NSUN3: variants seen among roughly 807,000 people sequenced by gnomAD.
The protein encoded by NSUN3 is tRNA (cytosine(34)-C(5))-methyltransferase, mitochondrial.
In NSUN3, 24 loss-of-function variants were observed where a neutral mutation model predicts 36.8. The ratio of observed to expected loss-of-function variants is 0.65; its 90% confidence interval spans 0.47 to 0.92. The LOEUF is 0.92. NSUN3 is among the 40% of genes least tolerant of loss of function. The pLI, the probability that NSUN3 is intolerant of heterozygous loss-of-function variation, is 0.00. For synonymous variants in NSUN3, 146 were observed against 145.2 expected, an observed-to-expected ratio of 1.01 and a Z score of -0.04; for missense variants, 381 against 392.8, an observed-to-expected ratio of 0.97 and a Z score of 0.25.
chr3:94,095,483 A>G (rs144480271), intron 5 of NSUN3, among the ~76,000 whole-genome samples: 1 of 152,270 alleles, frequency 6.6e-6, no homozygotes, highest in African/African-American at 2.4e-5. Flanking sequence ...CCAGAATCTG[A>G]GCAGCCCCTT....
intron 5 of NSUN3, among the ~76,000 whole-genome samples, chr3:94,098,995 A>G (rs1450187180): frequency 6.6e-6 from 1 of 152,104 alleles, no homozygotes; most frequent in Non-Finnish European, 1.5e-5. Flanking sequence ...TATTCCTACC[A>G]TATAATTTGG....
Position 94,094,256 on chromosome 3 carries a change from A to G in NSUN3, c.583A>G (p.Arg195Gly), listed in dbSNP as rs1446004596. 6 of 1,613,264 alleles carry G rather than the reference A, an allele frequency of 3.7e-6. No individual in the cohort carries two copies. The part of the protein sequence containing the change: ...NVIKVSELDG[R>G]KMGDAQPEMF... ...AATTAAAGTGTCTGAATTGGATGGCAGAAAAATGGGAGATGCCCAGCCTGA... is the reference window on the plus strand; with the variant it reads ...AATTAAAGTGTCTGAATTGGATGGCGGAAAAATGGGAGATGCCCAGCCTGA... Residue 195 changes from arginine to glycine, a missense_variant, in exon 4 of 6, where the codon AGA (arginine) becomes GGA (glycine). Physicochemically the swap from Arg to Gly is moderately radical, Grantham distance 125 (BLOSUM62 -2). Transcript: ENST00000314622.
intron 3 of NSUN3, among the ~76,000 whole-genome samples, chr3:94,092,919 CAAAAAAAAAAAAA>C (rs1161530879): frequency 4.1e-5 from 1 of 24,638 alleles, no homozygotes; most frequent in Non-Finnish European, 6.8e-5. Context: ...GACTGCATCT[CAAAAAAAAAAAAA>C]AAAAAAAAAA....
At chr3:94,089,373 G>GTGA in intron 3 of NSUN3, among the ~76,000 whole-genome samples, 1 of 152,266 alleles carries the variant, frequency 6.6e-6, no homozygotes, top group East Asian at 1.9e-4. Context: ...TCACACTAAA[G>GTGA]TGATAATTCA....
At chr3:94,073,723 C>A (rs1401438302) in intron 2 of NSUN3, among the ~76,000 whole-genome samples, 3 of 152,156 alleles carry the variant, frequency 2.0e-5, no homozygotes, top group African/African-American at 2.4e-5. Context: ...GGATAGATTG[C>A]AAAAATTTTC....
At chr3:94,120,377 A>C (rs1421313776) in intron 5 of NSUN3, among the ~76,000 whole-genome samples, 2 of 152,206 alleles carry the variant, frequency 1.3e-5, no homozygotes, top group African/African-American at 4.8e-5. Context: ...AACTCTTTTC[A>C]TCTTTCAAAA....
intron 2 of NSUN3, among the ~76,000 whole-genome samples, chr3:94,078,918 A>C (rs2077257248): frequency 6.6e-6 from 1 of 151,996 alleles, no homozygotes; most frequent in East Asian, 1.9e-4. Context: ...TAATTGGTGC[A>C]TTTAGCCTGT....
At chr3:94,065,599 A>G (rs1193929836) in intron 2 of NSUN3, among the ~76,000 whole-genome samples, 1 of 152,216 alleles carries the variant, frequency 6.6e-6, no homozygotes, top group Non-Finnish European at 1.5e-5. Flanking sequence ...ATTTTCTAAA[A>G]CAAATTAAGT....
intron 2 of NSUN3, chr3:94,075,838 A>G: frequency 2.0e-6 from 2 of 1,005,212 alleles, no homozygotes; most frequent in South Asian, 2.7e-5. Context: ...TCTCATAACC[A>G]GTGTTAAATC....
chr3:94,071,347 G>T (rs2077224181), intron 2 of NSUN3, among the ~76,000 whole-genome samples: 1 of 152,096 alleles, frequency 6.6e-6, no homozygotes, highest in Admixed American at 6.6e-5. Flanking sequence ...AAGATTTCAA[G>T]CATGAAAATA....
chr3:94,063,150 G>C lies in NSUN3; in HGVS notation c.12+12G>C. On this transcript the variant is annotated intron_variant, in intron 1 of 5. Transcript: ENST00000314622. ...CAATGCTGACCCAGGTGAGACCTGG[G>C]GCCCGGCTGGGTACCTCTATCTGAA... The C allele has an allele frequency of 6.2e-7, 1 of 1,613,936 alleles. No individual in the cohort carries two copies. The highest frequency in any genetic ancestry group is 1.1e-5 in the South Asian group (1 of 91,068).
chr3:94,088,342 TTCTC>T (rs1166451616), intron 3 of NSUN3, among the ~76,000 whole-genome samples: 1 of 152,202 alleles, frequency 6.6e-6, no homozygotes, highest in African/African-American at 2.4e-5. Flanking sequence ...TATTTTTTCT[TTCTC>T]TCACTTTCTC....
intron 2 of NSUN3, among the ~76,000 whole-genome samples, chr3:94,070,144 A>G (rs956169290): frequency 2.0e-5 from 3 of 152,174 alleles, no homozygotes; most frequent in African/African-American, 7.2e-5. Context: ...TAGAGAATGA[A>G]TGAATGTTGA....
At chr3:94,073,873 C>G (rs984439115) in intron 2 of NSUN3, among the ~76,000 whole-genome samples, 1 of 152,088 alleles carries the variant, frequency 6.6e-6, no homozygotes, top group African/African-American at 2.4e-5. Flanking sequence ...AAGTCTTTGC[C>G]CATGCCTATG....
chr3:94,064,506 C>A lies in NSUN3; in HGVS notation c.82C>A (p.Gln28Lys), dbSNP rs762156840. The change falls in exon 2 of 6, where the codon CAG (glutamine) becomes AAG (lysine). Residue 28 changes from glutamine (Q) to lysine (K), a missense_variant. By Grantham distance (53) the Gln-to-Lys change is moderately conservative. Transcript: ENST00000314622. The part of the protein sequence containing the change: ...CKVVLDHFEK[Q>K]YSKELGDAWN... ...AGTTGTGTTGGATCATTTTGAAAAA[C>A]AGTATTCCAAAGAACTCGGAGATGC... The A allele has an allele frequency of 3.7e-6, 6 of 1,613,050 alleles. No individual in the cohort carries two copies. The highest frequency in any genetic ancestry group is 5.1e-6 in the Non-Finnish European group (6 of 1,179,222).
At chr3:94,122,726 T>A (rs2077469062) in intron 5 of NSUN3, among the ~76,000 whole-genome samples, 1 of 152,232 alleles carries the variant, frequency 6.6e-6, no homozygotes, top group African/African-American at 2.4e-5. Flanking sequence ...CTTTTATTTT[T>A]ATAAAATAAG....
In NSUN3 at chr3:94,075,955, A is replaced by G. The variant is rs150255933; in HGVS notation, c.123-8152A>G. ...TCCATATTCCTTCAGGGTCTTCATC[A>G]TTATAAATGTTCTCTGCCATTTGCC... On this transcript the variant is annotated intron_variant, in intron 2 of 5. Coordinates refer to ENST00000314622, the MANE Select transcript of NSUN3 (RefSeq NM_022072.5). The G allele has an allele frequency of 7.8e-3, 11,973 of 1,537,610 alleles. 70 individuals are homozygous for G. Among genetic ancestry groups the G allele is most frequent in the Non-Finnish European group, 8.9e-3 (9,849 of 1,110,764 alleles).
At chr3:94,075,018 G>A (rs1185368058) in intron 2 of NSUN3, among the ~76,000 whole-genome samples, 1 of 152,018 alleles carries the variant, frequency 6.6e-6, no homozygotes, top group East Asian at 1.9e-4. Flanking sequence ...GCATAAAGGG[G>A]TGTTGAAATT....
At chr3:94,082,112 T>A (rs1311890981) in intron 2 of NSUN3, 1 of 152,194 alleles carries the variant, frequency 6.6e-6, no homozygotes, top group East Asian at 1.9e-4. Context: ...TTTCCGATCA[T>A]TTTTTTATTA....
Sources: gnomAD v4.1 joint callset for allele counts (sites outside exome capture counted in the v4.1 genomes callset) on GRCh38, gnomAD v4.1.1 for gene constraint, MANE v1.5 for transcripts, NCBI Gene and HGNC (gene_info 2026-07-23, HGNC 2026-07-21) for gene names.